The following C5 variants were observed in gnomAD, a reference collection of about 807,000 sequenced individuals.
The protein encoded by C5 is C3 and PZP-like alpha-2-macroglobulin domain-containing protein 4.
Under a neutral mutation model 218.8 loss-of-function variants are expected in C5, and 140 were observed. The observed-to-expected ratio is 0.64, with a 90% CI of 0.56 to 0.74. C5 has a LOEUF of 0.74. Ranked by LOEUF, C5 falls within the 30% of genes least tolerant of loss-of-function variation. The pLI is 0.00. For missense variants in C5, 1,700 were observed against 1,969.6 expected, an observed-to-expected ratio of 0.86 and a Z score of 2.59; for synonymous variants, 614 against 682.3, an observed-to-expected ratio of 0.90 and a Z score of 1.56.
At chr9:120,958,883 T>A (rs2131664582) in intron 38 of C5, among the ~76,000 whole-genome samples, 1 of 152,224 alleles carries the variant, frequency 6.6e-6, no homozygotes, top group East Asian at 1.9e-4. Context: ...CCTCCCAGGC[T>A]CAAGCGATCC....
chr9:120,969,488 G>A (rs2046894428), intron 32 of C5, among the ~76,000 whole-genome samples: 1 of 152,176 alleles, frequency 6.6e-6, no homozygotes, highest in South Asian at 2.1e-4. Flanking sequence ...AGCAATAGAT[G>A]GAAAATATCA....
At chr9:121,067,846 AT>A in the C5 span, among the ~76,000 whole-genome samples, 1 of 152,178 alleles carries the variant, frequency 6.6e-6, no homozygotes, top group South Asian at 2.1e-4. Flanking sequence ...TTCCACCATA[AT>A]TTTAAGTTTC....
intron 37 of C5, 101 bp from the exon 38 acceptor site, chr9:120,960,438 T>G: frequency 1.3e-6 from 1 of 766,426 alleles, no homozygotes; most frequent in Non-Finnish European, 2.3e-6. Flanking sequence ...GACAACCCAA[T>G]ATAACCTTAC....
chr9:121,003,520 T>G (rs1392832701), intron 20 of C5, among the ~76,000 whole-genome samples: 3 of 152,190 alleles, frequency 2.0e-5, no homozygotes, highest in Non-Finnish European at 4.4e-5. Context: ...AAAATGAAAT[T>G]GGCATTTCTA....
Position 120,982,732 on chromosome 9 carries a change from A to G in C5, c.3313T>C (p.Leu1105=). ...AATTGATAATTCTCAACTAGCCACAATAAAGAATTACAAATTGAATTTTGG... is the reference window on the plus strand; with the variant it reads ...AATTGATAATTCTCAACTAGCCACAGTAAAGAATTACAAATTGAATTTTGG... ...QNQNSICNSL[L]WLVENYQLDN... The change falls in exon 26 of 41, where the codon TTG becomes CTG. Residue 1105 remains leucine, a synonymous_variant. Transcript: ENST00000223642. 2 of 1,604,788 alleles carry G rather than the reference A, an allele frequency of 1.2e-6. No individual in the cohort carries two copies. The highest frequency in any genetic ancestry group is 1.7e-6 in the Non-Finnish European group (2 of 1,171,916).
chr9:121,050,474 C>T (rs990660183), upstream of C5, among the ~76,000 whole-genome samples: 2 of 152,108 alleles, frequency 1.3e-5, no homozygotes, highest in African/African-American at 4.8e-5. Context: ...TTTATTAATA[C>T]AAATAAAGGG....
chr9:121,000,333 G>A (rs2047150922), intron 20 of C5, among the ~76,000 whole-genome samples: 1 of 152,192 alleles, frequency 6.6e-6, no homozygotes, highest in South Asian at 2.1e-4. Context: ...CAGAGTAAAT[G>A]TGTAAGAATA....
At chr9:121,016,717 A>G (rs2047310340) in intron 14 of C5, among the ~76,000 whole-genome samples, 1 of 152,250 alleles carries the variant, frequency 6.6e-6, no homozygotes, top group South Asian at 2.1e-4. Flanking sequence ...ATAGGTATGA[A>G]TGCATGAAGG....
chr9:121,020,206 T>C (rs768784356), intron 11 of C5, 27 bp from the exon 12 acceptor site: 8 of 1,455,820 alleles, frequency 5.5e-6, no homozygotes, highest in Non-Finnish European at 5.8e-6. Context: ...CAAAAAGACA[T>C]GTATACTGTG....
chr9:121,014,848 T>C (rs1355643297), intron 16 of C5, among the ~76,000 whole-genome samples: 2 of 152,098 alleles, frequency 1.3e-5, no homozygotes, highest in Non-Finnish European at 2.9e-5. Context: ...TCTAGGTATA[T>C]CCCCAAAATA....
intron 3 of C5, among the ~76,000 whole-genome samples, chr9:121,039,016 A>T (rs1368917438): frequency 1.3e-5 from 2 of 152,160 alleles, no homozygotes; most frequent in Admixed American, 1.3e-4. Flanking sequence ...CAGGCCCTGG[A>T]ATTAAACACT....
chr9:121,002,345 C>CACACATATATATAT (rs1564146876), intron 20 of C5, among the ~76,000 whole-genome samples: 3 of 96,736 alleles, frequency 3.1e-5, no homozygotes, highest in Non-Finnish European at 6.1e-5. Flanking sequence ...TATATATACA[C>CACACATATATATAT]ACATACCTAC....
At chr9:120,989,882 T>C in intron 23 of C5, 102 bp from the exon 24 acceptor site, 1 of 905,134 alleles carries the variant, frequency 1.1e-6, no homozygotes, top group Non-Finnish European at 1.8e-6. Context: ...TTCTTCCCTT[T>C]TTATCTAGGC....
At chr9:120,982,104 C>T (rs559484994) in intron 26 of C5, among the ~76,000 whole-genome samples, 165 bp from the exon 27 acceptor site, 2 of 152,182 alleles carry the variant, frequency 1.3e-5, no homozygotes, top group Non-Finnish European at 2.9e-5. Context: ...CTCCGCCTCC[C>T]GGGTTCAAGC....
intron 29 of C5, among the ~76,000 whole-genome samples, chr9:120,975,790 C>T (rs772698347): frequency 6.6e-6 from 1 of 152,094 alleles, no homozygotes; most frequent in Non-Finnish European, 1.5e-5. Flanking sequence ...TCCAGTGTGT[C>T]GTTTTTTCTG....
At chr9:121,002,970 G>A (rs992696927) in intron 20 of C5, among the ~76,000 whole-genome samples, 5 of 152,048 alleles carry the variant, frequency 3.3e-5, no homozygotes, top group African/African-American at 1.2e-4. Flanking sequence ...AGAGAAATGA[G>A]TAACATTTTG....
chr9:120,993,421 T>C (rs959138366), intron 22 of C5, among the ~76,000 whole-genome samples: 5 of 150,842 alleles, frequency 3.3e-5, no homozygotes, highest in African/African-American at 1.2e-4. Context: ...AACAATAGAG[T>C]TATATATATA....
chr9:121,022,841 A>G (rs2047378033), intron 10 of C5, among the ~76,000 whole-genome samples: 1 of 151,982 alleles, frequency 6.6e-6, no homozygotes, highest in Non-Finnish European at 1.5e-5. Context: ...AATGCAGAGG[A>G]GTAAGCAAAA....
At chr9:121,025,800 A>G (rs1294300341) in intron 8 of C5, 8 of 466,584 alleles carry the variant, frequency 1.7e-5, no homozygotes, top group Non-Finnish European at 3.1e-5. Flanking sequence ...TGAACATCAC[A>G]TGGTCCAACA....
Sources: allele counts gnomAD v4.1 joint callset (sites outside exome capture counted in the v4.1 genomes callset), GRCh38; gene constraint gnomAD v4.1.1; transcripts MANE v1.5; gene names NCBI Gene and HGNC (gene_info 2026-07-23, HGNC 2026-07-21).